The following DSP variants were observed in gnomAD, a reference collection of about 807,000 sequenced individuals.
The protein encoded by DSP is 250/210 kDa paraneoplastic pemphigus antigen.
DSP carries 114 observed loss-of-function variants against 290.6 expected under a neutral mutation model. That is an observed-to-expected ratio of 0.39 (90% CI 0.34 to 0.46). The LOEUF is 0.46. Among genes scored for constraint, DSP ranks in the 20% least tolerant of loss-of-function variants. DSP has a pLI of 0.99. For missense variants in DSP, 3,230 were observed against 3,495.8 expected (o/e 0.92, Z 1.92); for synonymous variants, 1,311 against 1,316.4 (o/e 1.00, Z 0.09).
chr6:7,585,749 C>CCGCTCGGGATCT lies in DSP; in HGVS notation c.8493_8504dup (p.Ser2843_Arg2846dup), dbSNP rs748194022. ...CGGCTCCGGGGTCCCGCTCCGGCTC[C>CCGCTCGGGATCT]CGCTCGGGATCTCGCTCCGGATCTC... On this transcript the variant is annotated inframe_insertion, in exon 24 of 24. Transcript: ENST00000379802. 6 of 1,610,128 alleles carry CCGCTCGGGATCT rather than the reference C, an allele frequency of 3.7e-6. No homozygotes were observed. The highest frequency in any genetic ancestry group is 1.3e-5 in the African/African-American group (1 of 74,808).
At position 7,575,375 on chromosome 6, in the gene DSP, C is replaced by G. The variant is rs1759205797; in HGVS notation, c.2517C>G (p.His839Gln). 5 of 1,614,054 alleles carry G rather than the reference C, an allele frequency of 3.1e-6. No homozygotes were observed. The highest frequency in any genetic ancestry group is 4.2e-6 in the Non-Finnish European group (5 of 1,180,024). ...AACTACAGAAAGCCCAGCAGATCCA[C>G]TCTCAGACTTCACAGCAGTATCCAC... is the stretch of plus-strand genomic sequence containing the variant. ...KTELQKAQQIHSQTSQQYPLY... is the reference protein window; with the variant it reads ...KTELQKAQQIQSQTSQQYPLY... The change falls in exon 18 of 24, where the codon CAC (histidine) becomes CAG (glutamine). Residue 839 changes from histidine (H) to glutamine (Q), a missense_variant. Physicochemically the swap from His to Gln is conservative, Grantham distance 24 (BLOSUM62 0). This residue lies in a region of DSP where 1,714 missense variants were observed against 1,844.5 expected (regional missense o/e 0.93). Transcript: ENST00000379802.
chr6:7,544,489 T>C (rs1561672331), intron 1 of DSP, among the ~76,000 whole-genome samples: 2 of 136,320 alleles, frequency 1.5e-5, no homozygotes, highest in Non-Finnish European at 3.2e-5. Context: ...TTTTCTTTCT[T>C]TCTTTTTTTT....
chr6:7,550,992 A>G lies in DSP; in HGVS notation c.171-4726A>G, dbSNP rs113272298. On this transcript the variant is annotated intron_variant, in intron 1 of 23. Coordinates refer to ENST00000379802, the MANE Select transcript of DSP (RefSeq NM_004415.4). The stretch of plus-strand genomic sequence containing the variant: ...TTTAAAAAAATGTGTATACGCTTGT[A>G]AGTACATCATTTTAAAATTATTTCT... Among the ~76,000 whole-genome samples the G allele has an allele frequency of 6.0e-3, 909 of 152,256 alleles. 10 individuals carry two copies. Among genetic ancestry groups the G allele is most frequent in the African/African-American group, 0.021 (852 of 41,552 alleles).
At chr6:7,548,058 G>A (rs918341461) in intron 1 of DSP, among the ~76,000 whole-genome samples, 3 of 152,064 alleles carry the variant, frequency 2.0e-5, no homozygotes, top group South Asian at 2.1e-4. Context: ...CACAAGGTCA[G>A]GAGTTCCAGC....
chr6:7,556,262 A>C (rs998207993), intron 2 of DSP, among the ~76,000 whole-genome samples: 2 of 152,210 alleles, frequency 1.3e-5, no homozygotes, highest in Non-Finnish European at 2.9e-5. Flanking sequence ...AGAAACAGAA[A>C]AATGGGGAAA....
At position 7,584,478 on chromosome 6, in the gene DSP, T is replaced by G; in HGVS notation, c.7216T>G (p.Ser2406Ala). 6.2e-7 allele frequency: 1 copy of G among 1,614,154 alleles called. No homozygotes were observed. Among genetic ancestry groups the G allele is most frequent in the Non-Finnish European group, 8.5e-7 (1 of 1,180,030 alleles). Residue 2406 changes from serine (S) to alanine (A), a missense_variant, in exon 24 of 24, where the codon TCA becomes GCA. Around this residue, in one of 5 missense-constraint regions of DSP, gnomAD observed 207 missense variants for 281.2 expected, o/e 0.74. Coordinates refer to ENST00000379802, the MANE Select transcript of DSP (RefSeq NM_004415.4). This position sits in a 1 kb window ranked among gnomAD's most constrained non-coding sequence, Gnocchi z 6.4. ...YFNEELSEIL[S>A]DPSDDTKGFF... is the part of the protein sequence containing the mutation. ...CAATGAGGAACTCAGTGAGATTCTCTCAGATCCAAGTGATGATACCAAAGG... is the reference window on the plus strand; with the variant it reads ...CAATGAGGAACTCAGTGAGATTCTCGCAGATCCAAGTGATGATACCAAAGG...
At chr6:7,578,608 A>C (rs758940608) in intron 22 of DSP, 46 bp downstream of exon 22, 2 of 1,392,498 alleles carry the variant, frequency 1.4e-6, no homozygotes, top group Non-Finnish European at 2.0e-6. Flanking sequence ...AGAAAATAGA[A>C]TAGAACCTTA....
In DSP at chr6:7,580,847, G is replaced by A. The variant is rs730880084; in HGVS notation, c.4657G>A (p.Asp1553Asn). The change falls in exon 23 of 24, where the codon GAC (aspartate) becomes AAC (asparagine). Residue 1553 changes from aspartate (D) to asparagine (N), a missense_variant. By Grantham distance (23) the Asp-to-Asn change is conservative. Around this residue, in one of 5 missense-constraint regions of DSP, gnomAD observed 1,714 missense variants for 1,844.5 expected, o/e 0.93. Coordinates refer to ENST00000379802, the MANE Select transcript of DSP (RefSeq NM_004415.4). The surrounding 1 kb of genome is among the most constrained non-coding windows in gnomAD (Gnocchi z 4.2). ...ERVSQERTVK[D>N]QDITRFQNSL... ...GGTTTCCCAGGAGAGGACTGTGAAG[G>A]ACCAGGATATCACGCGGTTCCAGAA... The A allele has an allele frequency of 9.3e-6, 15 of 1,614,148 alleles. No individual in the cohort carries two copies. In the East Asian group the frequency reaches 1.8e-4, roughly 19 times the overall value.
chr6:7,548,318 C>T (rs1049444698), intron 1 of DSP, among the ~76,000 whole-genome samples: 5 of 152,112 alleles, frequency 3.3e-5, no homozygotes, highest in Admixed American at 2.6e-4. Context: ...CAGCAGCCTC[C>T]GCAAGTAAGA....
intron 2 of DSP, among the ~76,000 whole-genome samples, chr6:7,556,529 C>T (rs946515652): frequency 1.3e-5 from 2 of 152,184 alleles, no homozygotes; most frequent in African/African-American, 2.4e-5. Context: ...ATCTTTTCAG[C>T]GAAGTCTCCC....
chr6:7,562,626 C>A, intron 4 of DSP, 26 bp from the exon 5 acceptor site: 1 of 1,613,668 alleles, frequency 6.2e-7, no homozygotes, highest in African/African-American at 1.3e-5. Flanking sequence ...CAACAAAGGG[C>A]GCCTCTCTTT....
Position 7,569,283 on chromosome 6 carries a change from C to T in DSP, c.1517C>T (p.Pro506Leu), listed in dbSNP as rs876657793. The T allele has an allele frequency of 1.2e-6, 2 of 1,614,142 alleles. No homozygotes were observed. Among genetic ancestry groups the T allele is most frequent in the South Asian group, 1.1e-5 (1 of 91,082 alleles). Residue 506 changes from proline to leucine, a missense_variant, in exon 12 of 24, where the codon CCC becomes CTC. By Grantham distance (98) the Pro-to-Leu change is moderately conservative. Around this residue, in one of 5 missense-constraint regions of DSP, gnomAD observed 646 missense variants for 684.3 expected, o/e 0.94. Coordinates refer to ENST00000379802, the MANE Select transcript of DSP (RefSeq NM_004415.4). ...TGPGGVDMLVPSVGLIIPPPN... is the reference protein window; with the variant it reads ...TGPGGVDMLVLSVGLIIPPPN... ...CCGGGAGGCGTTGACATGCTTGTTC[C>T]CTCTGTGGGGCTGATCATCCCTCCT... is the stretch of plus-strand genomic sequence containing the variant.
chr6:7,576,424 A>C lies in DSP; in HGVS notation c.2761A>C (p.Asn921His). The change falls in exon 19 of 24, where the codon AAC becomes CAC. Residue 921 changes from asparagine to histidine, a missense_variant. Coordinates refer to ENST00000379802, the MANE Select transcript of DSP (RefSeq NM_004415.4). Reference protein sequence around the residue: ...SLESMKFGDSNTVMRFLNEQK... With the variant: ...SLESMKFGDSHTVMRFLNEQK... ...AGAATCCATGAAATTTGGAGATTCC[A>C]ACACAGTCATGCGGTTTTTGAATGA... is the stretch of plus-strand genomic sequence containing the variant. The C allele has an allele frequency of 6.2e-7, 1 of 1,614,160 alleles. No homozygotes were observed. Among genetic ancestry groups the C allele is most frequent in the Non-Finnish European group, 8.5e-7 (1 of 1,180,008 alleles).
intron 1 of DSP, among the ~76,000 whole-genome samples, chr6:7,549,515 AAG>A (rs1011426399): frequency 3.3e-4 from 50 of 152,314 alleles, no homozygotes; most frequent in African/African-American, 1.2e-3. Context: ...CTTTTTATGA[AAG>A]ATCCTTTCAA....
intron 6 of DSP, among the ~76,000 whole-genome samples, chr6:7,564,692 A>G (rs1176891365): frequency 6.6e-6 from 1 of 152,232 alleles, no homozygotes; most frequent in Non-Finnish European, 1.5e-5. Context: ...AATGTTCCCA[A>G]CACACAGAAA....
In DSP at chr6:7,586,139, T is replaced by C. The variant is rs957564707; in HGVS notation, c.*261T>C. 1.1e-5 allele frequency: 4 copies of C among 378,748 alleles called. No homozygotes were observed. The highest frequency in any genetic ancestry group is 1.9e-5 in the Non-Finnish European group (4 of 212,126). 23.5% of individuals were successfully genotyped at this position (378,748 alleles called of 1,614,324 possible). On this transcript the variant is annotated 3_prime_UTR_variant, in exon 24 of 24. Transcript: ENST00000379802. The stretch of plus-strand genomic sequence containing the variant: ...TTGTAACAATAGCACAAATCGAACT[T>C]AGGATTTGTTTCTTCTCTTCTGTGT...
chr6:7,558,331 C>A, intron 3 of DSP, 67 bp downstream of exon 3: 1 of 1,565,524 alleles, frequency 6.4e-7, no homozygotes, highest in Non-Finnish European at 8.7e-7. Flanking sequence ...CAGTTACACT[C>A]AATTCCATGA....
At chr6:7,573,109 T>A (rs1759107069) in intron 15 of DSP, among the ~76,000 whole-genome samples, 1 of 150,012 alleles carries the variant, frequency 6.7e-6, no homozygotes, top group South Asian at 2.1e-4. Flanking sequence ...CCCTTCTCTT[T>A]AAAAAAAAAT....
In DSP at chr6:7,571,373, C is replaced by A. The variant is rs774406075; in HGVS notation, c.1702-10C>A. On this transcript the variant is annotated splice_polypyrimidine_tract_variant and intron_variant, in intron 13 of 23. Transcript: ENST00000379802. ...TAAATCCCAAATCACTTCTGCCTGT[C>A]TCCTTTCAGCTGAAAACAATGCGGC... 5.6e-6 allele frequency: 9 copies of A among 1,614,004 alleles called. No homozygotes were observed. In the Admixed American group the frequency reaches 1.5e-4, roughly 27 times the overall value.
Sources: gnomAD v4.1 joint callset for allele counts (sites outside exome capture counted in the v4.1 genomes callset) on GRCh38, gnomAD v4.1.1 for gene constraint, gnomAD v4.1.1 regional missense constraint, Gnocchi (gnomAD v3.1) non-coding constraint, MANE v1.5 for transcripts, NCBI Gene and HGNC (gene_info 2026-07-23, HGNC 2026-07-21) for gene names.